SUGCT: variants seen among roughly 807,000 people sequenced by gnomAD.
SUGCT encodes the protein succinyl-CoA:glutarate-CoA transferase.
A neutral mutation model predicts 55.0 loss-of-function variants in SUGCT; 41 were observed. The observed-to-expected ratio is 0.74, with a 90% CI of 0.58 to 0.97. The LOEUF (loss-of-function observed/expected upper bound fraction) is 0.97. SUGCT is among the 50% of genes least tolerant of loss of function. The pLI is 0.00. For synonymous variants in SUGCT, 187 were observed against 200.4 expected (o/e 0.93, Z 0.56); for missense variants, 568 against 547.8 (o/e 1.04, Z -0.37).
Position 40,612,012 on chromosome 7 carries a change from C to T in SUGCT, c.1089+115626C>T, listed in dbSNP as rs376742177. 1.0e-3 allele frequency among the ~76,000 whole-genome samples: 148 copies of T among 145,266 alleles called. 1 individual carries two copies. Among genetic ancestry groups the T allele is most frequent in the African/African-American group, 3.1e-3 (123 of 39,322 alleles). On this transcript the variant is annotated intron_variant, in intron 12 of 13. Coordinates refer to ENST00000335693, the MANE Select transcript of SUGCT (RefSeq NM_001193313.2). ...CTGTTAAAAACTTTGATTCCCCCCC[C>T]TTTTTTTTTTTACAACAGATCACTG...
the SUGCT span, among the ~76,000 whole-genome samples, chr7:40,928,106 T>G: frequency 1.3e-5 from 2 of 149,322 alleles, no homozygotes; most frequent in Non-Finnish European, 3.0e-5. Context: ...GTTGGTTTAA[T>G]TAAATTAATT....
At chr7:40,805,567 A>C (rs890576520) in intron 13 of SUGCT, among the ~76,000 whole-genome samples, 1 of 152,214 alleles carries the variant, frequency 6.6e-6, no homozygotes, top group Non-Finnish European at 1.5e-5. Flanking sequence ...CAGACATGAA[A>C]AATTTTGTTC....
At chr7:40,667,902 C>T (rs1053952282) in intron 12 of SUGCT, among the ~76,000 whole-genome samples, 1 of 152,002 alleles carries the variant, frequency 6.6e-6, no homozygotes, top group African/African-American at 2.4e-5. Context: ...TTTGTTTAGT[C>T]AACCCTTTGT....
intron 12 of SUGCT, among the ~76,000 whole-genome samples, chr7:40,654,584 G>A (rs1021061232): frequency 1.3e-5 from 2 of 152,154 alleles, no homozygotes; most frequent in Non-Finnish European, 2.9e-5. Context: ...AGTGGTTCCC[G>A]TGTCTTGCAT....
intron 10 of SUGCT, among the ~76,000 whole-genome samples, chr7:40,451,099 A>G (rs1789166689): frequency 6.6e-6 from 1 of 152,140 alleles, no homozygotes; most frequent in Non-Finnish European, 1.5e-5. Context: ...AAAATATGAA[A>G]CATACGGAAG....
the SUGCT span, among the ~76,000 whole-genome samples, chr7:40,982,005 A>T: frequency 6.6e-6 from 1 of 152,234 alleles, no homozygotes; most frequent in Non-Finnish European, 1.5e-5. Context: ...GTTGACACAT[A>T]AAATTAGCCA....
intron 9 of SUGCT, among the ~76,000 whole-genome samples, chr7:40,368,338 C>T (rs1291421658): frequency 6.6e-6 from 1 of 152,052 alleles, no homozygotes; most frequent in Non-Finnish European, 1.5e-5. Flanking sequence ...GCTAGGATTA[C>T]AGGTGCATAC....
At chr7:40,358,162 C>T (rs909752533) in intron 9 of SUGCT, among the ~76,000 whole-genome samples, 3 of 152,186 alleles carry the variant, frequency 2.0e-5, no homozygotes, top group African/African-American at 4.8e-5. Flanking sequence ...GTCTATCCTA[C>T]ACAATATGTG....
the SUGCT span, among the ~76,000 whole-genome samples, chr7:40,905,284 TAA>T: frequency 6.6e-6 from 1 of 152,188 alleles, no homozygotes; most frequent in Non-Finnish European, 1.5e-5. Context: ...ATGTGTATCT[TAA>T]GAGTGATTTT....
At chr7:40,561,143 C>A (rs1318450888) in intron 12 of SUGCT, among the ~76,000 whole-genome samples, 1 of 152,136 alleles carries the variant, frequency 6.6e-6, no homozygotes, top group Non-Finnish European at 1.5e-5. Flanking sequence ...GTGGGTAAGG[C>A]CTAATACAAG....
intron 11 of SUGCT, among the ~76,000 whole-genome samples, chr7:40,487,173 C>T (rs929069707): frequency 1.3e-4 from 20 of 148,818 alleles, no homozygotes; most frequent in Middle Eastern, 7.1e-3. Context: ...CAATCTCCAC[C>T]GCCCAGGTTC....
At chr7:40,750,029 A>G (rs1341851428) in intron 13 of SUGCT, among the ~76,000 whole-genome samples, 1 of 152,222 alleles carries the variant, frequency 6.6e-6, no homozygotes, top group East Asian at 1.9e-4. Context: ...GTTGATTCAT[A>G]CTAAACCAGC....
intron 8 of SUGCT, among the ~76,000 whole-genome samples, chr7:40,313,862 G>A (rs559031691): frequency 6.6e-6 from 1 of 152,082 alleles, no homozygotes; most frequent in Admixed American, 6.6e-5. Context: ...AAAGTGCTAG[G>A]ATTACAGGCA....
At chr7:40,478,721 A>G (rs117528859) in intron 11 of SUGCT, among the ~76,000 whole-genome samples, 268 of 152,250 alleles carry the variant, frequency 1.8e-3, no homozygotes, top group Non-Finnish European at 3.0e-3. Flanking sequence ...TTTCAAGTAC[A>G]GAATAAAGTA....
intron 9 of SUGCT, among the ~76,000 whole-genome samples, chr7:40,429,997 C>T (rs569141023): frequency 2.6e-5 from 4 of 152,250 alleles, no homozygotes; most frequent in East Asian, 3.9e-4. Flanking sequence ...TGTGGCATTT[C>T]GCAAGTTCTT....
intron 12 of SUGCT, among the ~76,000 whole-genome samples, chr7:40,604,551 A>T (rs1400281939): frequency 6.6e-6 from 1 of 152,078 alleles, no homozygotes; most frequent in African/African-American, 2.4e-5. Context: ...TTAACGTTAC[A>T]CTTCCGATGC....
At chr7:40,459,637 T>C (rs78825874) in intron 11 of SUGCT, among the ~76,000 whole-genome samples, 199 of 152,330 alleles carry the variant, frequency 1.3e-3, no homozygotes, top group African/African-American at 4.4e-3. Flanking sequence ...CCATTTTACA[T>C]GTAAGGAAAG....
At chr7:40,662,027 C>G (rs1801352919) in intron 12 of SUGCT, among the ~76,000 whole-genome samples, 1 of 152,226 alleles carries the variant, frequency 6.6e-6, no homozygotes, top group Admixed American at 6.5e-5. Flanking sequence ...TCTAAACTGA[C>G]ATGCAAAACA....
At chr7:40,782,739 C>T (rs1789820226) in intron 13 of SUGCT, 1 of 152,144 alleles carries the variant, frequency 6.6e-6, no homozygotes. Flanking sequence ...TTCCTTACCC[C>T]TTTTCAGATT....
Sources: allele counts gnomAD v4.1 joint callset (sites outside exome capture counted in the v4.1 genomes callset), GRCh38; gene constraint gnomAD v4.1.1; transcripts MANE v1.5; gene names NCBI Gene and HGNC (gene_info 2026-07-23, HGNC 2026-07-21).